Variants in PLXNA2 observed in about 807,000 individuals in gnomAD.
The protein encoded by PLXNA2 is plexin A2.
In PLXNA2, 91 loss-of-function variants were observed where a neutral mutation model predicts 193.5. The ratio of observed to expected loss-of-function variants is 0.47; its 90% CI spans 0.40 to 0.56. The LOEUF (loss-of-function observed/expected upper bound fraction) is 0.56. Ranked by LOEUF, PLXNA2 falls within the 20% of genes least tolerant of loss-of-function variation. The probability of loss-of-function intolerance (pLI) is 0.00; values close to 1 mark genes in which losing one functional copy is unlikely to be tolerated. For missense variants in PLXNA2, 1,995 were observed against 2,503.2 expected (o/e 0.80, Z 4.33); for synonymous variants, 997 against 1,027.3 (o/e 0.97, Z 0.56).
In PLXNA2 at chr1:208,033,315, T is replaced by C. The variant is rs1292802711; in HGVS notation, c.5055+4A>G. The C allele has an allele frequency of 1.2e-6, 2 of 1,610,220 alleles. No homozygotes were observed. The highest frequency in any genetic ancestry group is 4.5e-5 in the East Asian group (2 of 44,808). ...CTCCCTGGTCTGGGCAGAGGGGGAG[T>C]TACCTTGGTGGCCAGTAGCCGGGTC... On this transcript the variant is annotated splice_donor_region_variant and intron_variant, in intron 28 of 31. Transcript: ENST00000367033.
At chr1:208,153,485 T>A (rs1571974383) in intron 3 of PLXNA2, among the ~76,000 whole-genome samples, 1 of 152,356 alleles carries the variant, frequency 6.6e-6, no homozygotes, top group East Asian at 1.9e-4. Context: ...CGGAATCTTC[T>A]GGAACCTGGC....
intron 4 of PLXNA2, among the ~76,000 whole-genome samples, chr1:208,105,515 T>G (rs1667241832): frequency 1.3e-5 from 2 of 152,202 alleles, no homozygotes; most frequent in Admixed American, 1.3e-4. Context: ...TGTTGATGAT[T>G]TTTGTCCTGT....
intron 3 of PLXNA2, among the ~76,000 whole-genome samples, chr1:208,165,483 G>T (rs1193695251): frequency 2.6e-5 from 4 of 152,178 alleles, no homozygotes; most frequent in African/African-American, 9.7e-5. Context: ...GTGGACTTCA[G>T]TAAGGGCTTT....
Position 208,038,317 on chromosome 1 carries a change from G to A in PLXNA2, c.4764+54C>T. The A allele has an allele frequency of 8.0e-7, 1 of 1,250,138 alleles. No homozygotes were observed. The highest frequency in any genetic ancestry group is 1.2e-6 in the Non-Finnish European group (1 of 847,730). The allele number at this position is 1,250,138 out of a possible 1,614,324, so 77.4% of individuals were successfully genotyped here. On this transcript the variant is annotated intron_variant, in intron 26 of 31. Coordinates refer to ENST00000367033, the MANE Select transcript of PLXNA2 (RefSeq NM_025179.4). This position sits in a 1 kb window ranked among gnomAD's most constrained non-coding sequence, Gnocchi z 4.1. Reference sequence around the variant, plus strand: ...TTTTGAGGCCTTAGAGCAAGGCTTAGCGGGAAGGGAACATTCTGGGAAGCT... The same window carrying A: ...TTTTGAGGCCTTAGAGCAAGGCTTAACGGGAAGGGAACATTCTGGGAAGCT...
intron 1 of PLXNA2, among the ~76,000 whole-genome samples, chr1:208,220,094 T>C (rs1671273779): frequency 6.6e-6 from 1 of 152,118 alleles, no homozygotes; most frequent in African/African-American, 2.4e-5. Context: ...TGGAGAGTGG[T>C]TCCTCCTTGA....
At chr1:208,240,038 G>A (rs1450700518) in intron 1 of PLXNA2, among the ~76,000 whole-genome samples, 3 of 152,296 alleles carry the variant, frequency 2.0e-5, no homozygotes, top group African/African-American at 2.4e-5. Flanking sequence ...CAGGGAAGGC[G>A]GTTAATGGTT....
chr1:208,158,063 G>C (rs988311198), intron 3 of PLXNA2, among the ~76,000 whole-genome samples: 10 of 152,170 alleles, frequency 6.6e-5, no homozygotes, highest in African/African-American at 2.4e-4. Flanking sequence ...GAAAGAGAGT[G>C]GGAAGTGGGA....
chr1:208,060,681 C>T lies in PLXNA2; in HGVS notation c.2738+5G>A. 6.2e-7 allele frequency: 1 copy of T among 1,610,924 alleles called. No homozygotes were observed. Among genetic ancestry groups the T allele is most frequent in the Non-Finnish European group, 8.5e-7 (1 of 1,178,116 alleles). Reference sequence around the variant, plus strand: ...TGGGAAAAGGGCTGGCCAGGGCGGACTCACTGCTCAGCGATGATGTATTCC... The same window carrying T: ...TGGGAAAAGGGCTGGCCAGGGCGGATTCACTGCTCAGCGATGATGTATTCC... On this transcript the variant is annotated splice_donor_5th_base_variant and intron_variant, in intron 13 of 31. Transcript: ENST00000367033.
At chr1:208,075,033 G>A (rs998649020) in intron 12 of PLXNA2, among the ~76,000 whole-genome samples, 3 of 152,304 alleles carry the variant, frequency 2.0e-5, no homozygotes, top group South Asian at 2.1e-4. Flanking sequence ...TGAGTTGGCC[G>A]GGCATGGTGG....
intron 1 of PLXNA2, among the ~76,000 whole-genome samples, chr1:208,242,365 G>T (rs1033671602): frequency 6.6e-6 from 1 of 152,160 alleles, no homozygotes; most frequent in Non-Finnish European, 1.5e-5. Flanking sequence ...TTGGCCTGCC[G>T]CTCATAAGCC....
intron 12 of PLXNA2, among the ~76,000 whole-genome samples, chr1:208,071,609 G>C (rs186128230): frequency 8.5e-5 from 13 of 152,334 alleles, no homozygotes; most frequent in African/African-American, 2.9e-4. Flanking sequence ...TGGCATTGGC[G>C]GTGCCAGCTC....
chr1:208,079,359 C>T lies in PLXNA2; in HGVS notation c.2487G>A (p.Glu829=), dbSNP rs1266055145. 1.2e-6 allele frequency: 2 copies of T among 1,612,890 alleles called. No homozygotes were observed. The highest frequency in any genetic ancestry group is 1.1e-5 in the South Asian group (1 of 90,990). Residue 829 remains glutamate, a synonymous_variant, in exon 12 of 32, where the codon GAG becomes GAA. Coordinates refer to ENST00000367033, the MANE Select transcript of PLXNA2 (RefSeq NM_025179.4). ...RKFECGWCSG[E]RRCTLHQHCT... ...AGTGCTGGTGGAGGGTGCACCTGCG[C>T]TCGCCGCTGCACCAGCCACACTCAA...
chr1:208,168,723 G>GTTTTTTTTTTTTTTTTTTTTTTTTTTT (rs751893998), intron 3 of PLXNA2, among the ~76,000 whole-genome samples: 1 of 102,194 alleles, frequency 9.8e-6, no homozygotes, highest in East Asian at 4.0e-4. Context: ...GAGTATGCGG[G>GTTTTTTTTTTTTTTTTTTTTTTTTTTT]GTTTTTTTTT....
chr1:208,122,481 G>A (rs942664566), intron 4 of PLXNA2, among the ~76,000 whole-genome samples: 5 of 152,166 alleles, frequency 3.3e-5, no homozygotes, highest in Non-Finnish European at 7.3e-5. Flanking sequence ...TAGGAATGTT[G>A]TGAAGATTAA....
chr1:208,081,172 T>C (rs994892938), intron 11 of PLXNA2, among the ~76,000 whole-genome samples: 5 of 152,206 alleles, frequency 3.3e-5, no homozygotes, highest in Non-Finnish European at 7.3e-5. Context: ...AGCAGGGTAA[T>C]TGTCTCCTAT....
rs186141155 is a variant in PLXNA2, at chr1:208,098,166, C to T, written c.1731+680G>A. ...GGCCAAGAGACTTAGGTACAAACTC[C>T]CCTGTTTGTTTCCTCAGCTCCCTTG... On this transcript the variant is annotated intron_variant, in intron 6 of 31. Transcript: ENST00000367033. Among the ~76,000 whole-genome samples, 62 of 152,192 alleles carry T rather than the reference C, an allele frequency of 4.1e-4. 3 individuals are homozygous for T. The highest frequency in any genetic ancestry group is 3.7e-3 in the Admixed American group (57 of 15,294).
At chr1:208,231,800 G>A (rs534295810) in intron 1 of PLXNA2, among the ~76,000 whole-genome samples, 39 of 152,300 alleles carry the variant, frequency 2.6e-4, no homozygotes, top group South Asian at 2.1e-3. Flanking sequence ...TGTGAAAGTG[G>A]GACTTGGACT....
At chr1:208,064,466 C>T (rs530535056) in intron 12 of PLXNA2, among the ~76,000 whole-genome samples, 1 of 152,334 alleles carries the variant, frequency 6.6e-6, no homozygotes, top group South Asian at 2.1e-4. Context: ...GCACATCCTT[C>T]ATGCCCTGCC....
At chr1:208,071,499 TTCC>T (rs1665976224) in intron 12 of PLXNA2, among the ~76,000 whole-genome samples, 2 of 152,222 alleles carry the variant, frequency 1.3e-5, no homozygotes, top group Non-Finnish European at 2.9e-5. Context: ...TGGCATTCTT[TTCC>T]ACTTGAAGTG....
Sources: gnomAD v4.1 joint callset for allele counts (sites outside exome capture counted in the v4.1 genomes callset) on GRCh38, gnomAD v4.1.1 for gene constraint, Gnocchi (gnomAD v3.1) non-coding constraint, MANE v1.5 for transcripts, NCBI Gene and HGNC (gene_info 2026-07-23, HGNC 2026-07-21) for gene names.